CPXM2: variants seen among roughly 807,000 people sequenced by gnomAD.
CPXM2 encodes the protein inactive carboxypeptidase-like protein X2.
CPXM2 carries 66 observed loss-of-function variants against 86.1 expected under a neutral mutation model. The ratio of observed to expected loss-of-function variants is 0.77; its 90% confidence interval spans 0.63 to 0.94. CPXM2 has a LOEUF of 0.94. CPXM2 is among the 40% of genes least tolerant of loss of function. The probability of loss-of-function intolerance (pLI) is 0.00; values close to 1 mark genes in which losing one functional copy is unlikely to be tolerated. For synonymous variants in CPXM2, 388 were observed against 400.2 expected (o/e 0.97, Z 0.36); for missense variants, 948 against 1,026.3 (o/e 0.92, Z 1.04).
upstream of CPXM2, among the ~76,000 whole-genome samples, chr10:123,940,477 C>T (rs1276249850): frequency 6.6e-6 from 1 of 152,188 alleles, no homozygotes; most frequent in Non-Finnish European, 1.5e-5. Context: ...AGGGAGCGCC[C>T]AAGCCTGGGA....
intron 3 of CPXM2, among the ~76,000 whole-genome samples, chr10:123,855,950 G>A (rs1237024362): frequency 6.6e-6 from 1 of 152,114 alleles, no homozygotes; most frequent in Non-Finnish European, 1.5e-5. Context: ...CTCTCTAGGG[G>A]ACCAAACTCT....
intron 4 of CPXM2, among the ~76,000 whole-genome samples, chr10:123,816,271 A>T (rs1397734224): frequency 6.6e-6 from 1 of 152,202 alleles, no homozygotes; most frequent in Non-Finnish European, 1.5e-5. Flanking sequence ...CAGTGCCAGA[A>T]TGCATAATTG....
At chr10:123,878,506 C>T (rs373823353) in intron 2 of CPXM2, among the ~76,000 whole-genome samples, 34 of 134,878 alleles carry the variant, frequency 2.5e-4, no homozygotes, top group Non-Finnish European at 3.5e-4. Flanking sequence ...CAAATTCAGA[C>T]GTGTGTGTGT....
rs368314111 is a variant in CPXM2 at position 123,761,224 on chromosome 10, G to A, written c.1777+648C>T. Reference sequence around the variant, plus strand: ...ATTCCCCATGCAGCACACAGTCGGCGTTGACCGCAGGCTGTGGGTATGAGT... The same window carrying A: ...ATTCCCCATGCAGCACACAGTCGGCATTGACCGCAGGCTGTGGGTATGAGT... On this transcript the variant is annotated intron_variant, in intron 11 of 13. Transcript: ENST00000241305. Among the ~76,000 whole-genome samples, 35 of 152,344 alleles carry A rather than the reference G, an allele frequency of 2.3e-4. 2 individuals carry two copies. In the East Asian group the frequency reaches 3.1e-3, roughly 13 times the overall value.
intron 2 of CPXM2, among the ~76,000 whole-genome samples, chr10:123,910,686 C>G (rs1240833655): frequency 6.6e-6 from 1 of 152,234 alleles, no homozygotes; most frequent in South Asian, 2.1e-4. Context: ...GCACCTAAGT[C>G]TCTGCCTCAT....
chr10:123,933,843 G>A (rs1945690564), intron 2 of CPXM2, among the ~76,000 whole-genome samples: 1 of 152,140 alleles, frequency 6.6e-6, no homozygotes, highest in African/African-American at 2.4e-5. Context: ...AGGAGCACAG[G>A]AGGAAGGGAG....
At chr10:123,870,547 G>A (rs1339084400) in intron 2 of CPXM2, among the ~76,000 whole-genome samples, 1 of 152,200 alleles carries the variant, frequency 6.6e-6, no homozygotes, top group Non-Finnish European at 1.5e-5. Context: ...AAGTGTGAAG[G>A]CAGCTTCCCA....
chr10:123,891,297 C>T lies in CPXM2; in HGVS notation c.304+59G>A. On this transcript the variant is annotated intron_variant, in intron 1 of 13. Transcript: ENST00000241305. This position sits in a 1 kb window ranked among gnomAD's most constrained non-coding sequence, Gnocchi z 5.6. ...ACACAATGGGAGAAGCCAGTTGTCCCCTGGAGGCGCGCAACCACCGGCGCC... is the reference window on the plus strand; with the variant it reads ...ACACAATGGGAGAAGCCAGTTGTCCTCTGGAGGCGCGCAACCACCGGCGCC... The T allele has an allele frequency of 7.3e-7, 1 of 1,367,884 alleles. No homozygotes were observed. Among genetic ancestry groups the T allele is most frequent in the Admixed American group, 2.8e-5 (1 of 36,230 alleles). 84.7% of individuals were successfully genotyped at this position (1,367,884 alleles called of 1,614,324 possible).
At chr10:123,823,727 C>G (rs1466787496) in intron 4 of CPXM2, among the ~76,000 whole-genome samples, 1 of 152,154 alleles carries the variant, frequency 6.6e-6, no homozygotes, top group Non-Finnish European at 1.5e-5. Context: ...GACAAATTCT[C>G]TCTTTTCATA....
chr10:123,915,681 G>A (rs1945529131), intron 2 of CPXM2, among the ~76,000 whole-genome samples: 1 of 152,106 alleles, frequency 6.6e-6, no homozygotes, highest in African/African-American at 2.4e-5. Context: ...TTTCTTCCTG[G>A]TCAATGGCTC....
chr10:123,802,867 A>C (rs1398760124), intron 4 of CPXM2, among the ~76,000 whole-genome samples: 1 of 151,816 alleles, frequency 6.6e-6, no homozygotes, highest in Non-Finnish European at 1.5e-5. Flanking sequence ...GTATCCTTTT[A>C]TCTCATTGTT....
intron 3 of CPXM2, among the ~76,000 whole-genome samples, chr10:123,847,788 T>C (rs567995609): frequency 2.6e-5 from 4 of 152,348 alleles, no homozygotes; most frequent in African/African-American, 9.6e-5. Context: ...CTACAGAGCA[T>C]TGACTACGTG....
intron 2 of CPXM2, among the ~76,000 whole-genome samples, chr10:123,921,582 C>G (rs1402705530): frequency 6.6e-6 from 1 of 152,186 alleles, no homozygotes; most frequent in Non-Finnish European, 1.5e-5. Flanking sequence ...AATATCCAAG[C>G]TATGAGAGGC....
At chr10:123,912,314 G>T (rs1027671716) in intron 2 of CPXM2, among the ~76,000 whole-genome samples, 1 of 133,524 alleles carries the variant, frequency 7.5e-6, no homozygotes, top group East Asian at 2.6e-4. Context: ...TGGGCGGGGG[G>T]GGGGGGGCAG....
chr10:123,798,483 G>T (rs78830230), intron 5 of CPXM2, among the ~76,000 whole-genome samples: 1,917 of 152,292 alleles, frequency 0.013, 40 homozygotes, highest in African/African-American at 0.044. Flanking sequence ...AAGCTATTTA[G>T]ATCCGTAGGG....
At chr10:123,805,955 T>C (rs575374967) in intron 4 of CPXM2, among the ~76,000 whole-genome samples, 1 of 152,308 alleles carries the variant, frequency 6.6e-6, no homozygotes, top group Admixed American at 6.5e-5. Context: ...CCTCCAGCTT[T>C]TGCATTATTT....
chr10:123,922,289 A>C (rs557590344), intron 2 of CPXM2, among the ~76,000 whole-genome samples: 2 of 152,330 alleles, frequency 1.3e-5, no homozygotes, highest in East Asian at 3.9e-4. Context: ...TTTCTGAAGA[A>C]GCAAAAGGTG....
chr10:123,844,385 C>T (rs2134159229), intron 3 of CPXM2, among the ~76,000 whole-genome samples: 1 of 151,158 alleles, frequency 6.6e-6, no homozygotes, highest in East Asian at 1.9e-4. Flanking sequence ...TACTACAATA[C>T]CAAAAAAAAA....
At position 123,829,282 on chromosome 10, in the gene CPXM2, G is replaced by T. The variant is rs147597064; in HGVS notation, c.653+13067C>A. On this transcript the variant is annotated intron_variant, in intron 4 of 13. Transcript: ENST00000241305. ...CAGACATTGCTGGTGGAAAGATAAA[G>T]TGAACAGTCACTCAAGGAAACAGTT... Among the ~76,000 whole-genome samples, 191 of 152,282 alleles carry T rather than the reference G, an allele frequency of 1.3e-3. 1 individual carries two copies. The highest frequency in any genetic ancestry group is 4.1e-3 in the African/African-American group (172 of 41,546).
Sources: gnomAD v4.1 joint callset for allele counts (sites outside exome capture counted in the v4.1 genomes callset) on GRCh38, gnomAD v4.1.1 for gene constraint, Gnocchi (gnomAD v3.1) non-coding constraint, MANE v1.5 for transcripts, NCBI Gene and HGNC (gene_info 2026-07-23, HGNC 2026-07-21) for gene names.